LIN54: variants seen among roughly 807,000 people sequenced by gnomAD.
LIN54 encodes the protein lin-54 DREAM MuvB core complex component, also known as protein lin-54 homolog.
A neutral mutation model predicts 78.7 loss-of-function variants in LIN54; 9 were observed. That is an observed-to-expected ratio of 0.11 (90% CI 0.07 to 0.20). LIN54 has a LOEUF of 0.20. Among genes scored for constraint, LIN54 ranks in the 10% least tolerant of loss-of-function variants. LIN54 has a pLI of 1.00. For missense variants in LIN54, 573 were observed against 889.9 expected (o/e 0.64, Z 4.53); for synonymous variants, 269 against 318.4 (o/e 0.84, Z 1.65).
chr4:82,996,692 C>T (rs1728256397), intron 1 of LIN54, among the ~76,000 whole-genome samples: 1 of 152,022 alleles, frequency 6.6e-6, no homozygotes, highest in Non-Finnish European at 1.5e-5. Context: ...GCTTGAGCCA[C>T]CACACCCAGC....
rs536627979 is a variant in LIN54, at chr4:82,943,510, A to C, written c.1168+2748T>G. Among the ~76,000 whole-genome samples, 18 of 152,340 alleles carry C rather than the reference A, an allele frequency of 1.2e-4. No individual in the cohort carries two copies. In the South Asian group the frequency reaches 3.7e-3, roughly 32 times the overall value. ...GCAACTATTTAGTGTAACTCTAATAAAAATTGTATTTAACTTGTTATTCCT... is the reference window on the plus strand; with the variant it reads ...GCAACTATTTAGTGTAACTCTAATACAAATTGTATTTAACTTGTTATTCCT... On this transcript the variant is annotated intron_variant, in intron 5 of 12. Transcript: ENST00000340417.
chr4:82,959,504 C>T (rs1724618834), intron 4 of LIN54, among the ~76,000 whole-genome samples: 1 of 151,604 alleles, frequency 6.6e-6, no homozygotes. Context: ...TGGAAAAAAA[C>T]AAAAACAAAA....
intron 2 of LIN54, among the ~76,000 whole-genome samples, chr4:82,983,580 A>C (rs1475404768): frequency 1.3e-5 from 2 of 152,214 alleles, no homozygotes; most frequent in Non-Finnish European, 2.9e-5. Flanking sequence ...GATAAGATAG[A>C]GGCAACTCAA....
intron 1 of LIN54, among the ~76,000 whole-genome samples, chr4:82,988,028 C>G (rs1304383015): frequency 1.3e-5 from 2 of 152,232 alleles, no homozygotes; most frequent in Non-Finnish European, 2.9e-5. Context: ...TTCTCCACAG[C>G]CTTGCCAGCA....
At chr4:83,011,503 T>C (rs1391292800), upstream of LIN54, among the ~76,000 whole-genome samples, 1 of 152,140 alleles carries the variant, frequency 6.6e-6, no homozygotes, top group Non-Finnish European at 1.5e-5. Context: ...GTAGAAACAT[T>C]CATGAATGAT....
At chr4:82,956,231 G>A (rs1443023406) in intron 4 of LIN54, among the ~76,000 whole-genome samples, 4 of 151,992 alleles carry the variant, frequency 2.6e-5, no homozygotes, top group Non-Finnish European at 4.4e-5. Context: ...GATTACAGGC[G>A]TGAGCCACCA....
chr4:82,960,323 G>GTTTTT (rs1560747103), intron 4 of LIN54, among the ~76,000 whole-genome samples: 5 of 151,988 alleles, frequency 3.3e-5, no homozygotes, highest in African/African-American at 1.2e-4. Context: ...CACCAGCGGT[G>GTTTTT]TGTAGAGTTG....
At chr4:82,941,814 T>C (rs1020613598) in intron 5 of LIN54, among the ~76,000 whole-genome samples, 1 of 152,114 alleles carries the variant, frequency 6.6e-6, no homozygotes, top group South Asian at 2.1e-4. Flanking sequence ...ATGACAGTTA[T>C]TAGAACTAAA....
At position 82,994,515 on chromosome 4, in the gene LIN54, A is replaced by G. The variant is rs896369732; in HGVS notation, c.-32-9639T>C. On this transcript the variant is annotated intron_variant, in intron 1 of 12. Coordinates refer to ENST00000340417, the MANE Select transcript of LIN54 (RefSeq NM_194282.4). ...CCGGTTCAAGCAATTCCCCTGCCTC[A>G]GCCTCCCAAGTAGCTGGGATTACAG... Among the ~76,000 whole-genome samples the G allele has an allele frequency of 3.3e-5, 5 of 151,938 alleles. No homozygotes were observed. In the East Asian group the frequency reaches 9.6e-4, roughly 29 times the overall value.
intron 4 of LIN54, among the ~76,000 whole-genome samples, chr4:82,966,347 A>T (rs577799252): frequency 6.6e-6 from 1 of 152,136 alleles, no homozygotes; most frequent in Non-Finnish European, 1.5e-5. Context: ...ATCTGGCTGA[A>T]GTGAGGCCCC....
In LIN54 at chr4:82,984,472, C is replaced by A. The variant is rs779815153; in HGVS notation, c.373G>T (p.Asp125Tyr). 9 of 1,614,160 alleles carry A rather than the reference C, an allele frequency of 5.6e-6. No individual in the cohort carries two copies. Among genetic ancestry groups the A allele is most frequent in the Non-Finnish European group, 7.6e-6 (9 of 1,180,020 alleles). ...IILNKVSQTS[D>Y]LKLGNQTLKP... is the part of the protein sequence containing the mutation. The stretch of plus-strand genomic sequence containing the variant: ...AGGGTCTGATTGCCAAGTTTAAGAT[C>A]AGATGTCTGTGATACTTTGTTTAAA... Residue 125 changes from aspartate (D) to tyrosine (Y), a missense_variant, in exon 2 of 13, where the codon GAT (aspartate) becomes TAT (tyrosine). Physicochemically the swap from Asp to Tyr is radical, Grantham distance 160 (BLOSUM62 -3). This residue lies in a region of LIN54 where 183 missense variants were observed against 228.4 expected (regional missense o/e 0.80). Coordinates refer to ENST00000340417, the MANE Select transcript of LIN54 (RefSeq NM_194282.4).
At chr4:83,009,440 G>C (rs1240937953) in intron 1 of LIN54, among the ~76,000 whole-genome samples, 1 of 152,162 alleles carries the variant, frequency 6.6e-6, no homozygotes. Context: ...TGGGGGAAAA[G>C]CATAGGGTCC....
intron 1 of LIN54, among the ~76,000 whole-genome samples, chr4:82,996,657 G>C (rs1308474931): frequency 1.3e-5 from 2 of 151,936 alleles, no homozygotes; most frequent in Admixed American, 6.6e-5. Flanking sequence ...ACCCATCTCA[G>C]CCTCCCAAAG....
chr4:82,965,891 A>C (rs1481155686), intron 4 of LIN54, among the ~76,000 whole-genome samples: 1 of 152,202 alleles, frequency 6.6e-6, no homozygotes, highest in Non-Finnish European at 1.5e-5. Context: ...TTTGGCCTCT[A>C]TCAATAGAAA....
At chr4:82,983,789 G>GA (rs545528443) in intron 2 of LIN54, among the ~76,000 whole-genome samples, 49 of 144,694 alleles carry the variant, frequency 3.4e-4, no homozygotes, top group East Asian at 1.4e-3. Context: ...TCTGTGAACT[G>GA]AAAAAAAAAA....
chr4:82,931,347 A>C (rs563567638), intron 11 of LIN54, among the ~76,000 whole-genome samples: 47 of 152,332 alleles, frequency 3.1e-4, no homozygotes, highest in African/African-American at 1.0e-3. Flanking sequence ...GTGGCTGTAC[A>C]ACGTTTGTGG....
chr4:83,005,454 A>G (rs1729269857), intron 1 of LIN54, among the ~76,000 whole-genome samples: 1 of 152,060 alleles, frequency 6.6e-6, no homozygotes, highest in African/African-American at 2.4e-5. Flanking sequence ...CCTGGCCAAC[A>G]TGGGGAAAGC....
In LIN54 at chr4:82,939,543, G is replaced by T. The variant is rs772243500; in HGVS notation, c.1436C>A (p.Thr479Asn). 8 of 1,613,468 alleles carry T rather than the reference G, an allele frequency of 5.0e-6. No individual in the cohort carries two copies. The highest frequency in any genetic ancestry group is 6.8e-6 in the Non-Finnish European group (8 of 1,179,490). ...GYAVLPAQYV[T>N]QLQQSSYVSI... ...GACTTCATTTTTTCCACATACCTGA[G>T]TAACATACTGAGCTGGAAGCACTGC... Residue 479 changes from threonine to asparagine, a missense_variant, in exon 7 of 13, where the codon ACT becomes AAT. Thr to Asn is a moderately conservative substitution (Grantham distance 65). Coordinates refer to ENST00000340417, the MANE Select transcript of LIN54 (RefSeq NM_194282.4).
In LIN54 at chr4:82,924,990, C is replaced by A. The variant is rs1041590556; in HGVS notation, c.*3112G>T. Reference sequence around the variant, plus strand: ...TAACTTTTCTAAAATTATTTTTATTCACATTTTACATAAGATTGAAAAAAT... The same window carrying A: ...TAACTTTTCTAAAATTATTTTTATTAACATTTTACATAAGATTGAAAAAAT... On this transcript the variant is annotated 3_prime_UTR_variant, in exon 13 of 13. Transcript: ENST00000340417. 4 of 152,462 alleles carry A rather than the reference C, an allele frequency of 2.6e-5. No homozygotes were observed. The highest frequency in any genetic ancestry group is 9.7e-5 in the African/African-American group (4 of 41,378). The allele number at this position is 152,462 out of a possible 1,614,324, so 9.4% of individuals were successfully genotyped here.
Sources: allele counts gnomAD v4.1 joint callset (sites outside exome capture counted in the v4.1 genomes callset), GRCh38; gene constraint gnomAD v4.1.1; regional missense constraint gnomAD v4.1.1; transcripts MANE v1.5; gene names NCBI Gene and HGNC (gene_info 2026-07-23, HGNC 2026-07-21).